WFDC13: variants seen among roughly 807,000 people sequenced by gnomAD.
WFDC13 encodes WAP four-disulfide core domain 13, also known as WAP four-disulfide core domain protein 13.
In WFDC13, 6 loss-of-function variants were observed where a neutral mutation model predicts 10.9. That is an observed-to-expected ratio of 0.55 (90% CI 0.30 to 1.09). The LOEUF (loss-of-function observed/expected upper bound fraction) is 1.09, where lower values mean the gene tolerates loss of function less well. WFDC13 is among the 50% of genes least tolerant of loss of function. The probability of loss-of-function intolerance (pLI) is 0.06; values close to 1 mark genes in which losing one functional copy is unlikely to be tolerated. For missense variants in WFDC13, 104 were observed against 109.6 expected, an observed-to-expected ratio of 0.95 and a Z score of 0.23; for synonymous variants, 38 against 39.5, an observed-to-expected ratio of 0.96 and a Z score of 0.14.
chr20:45,703,682 G>T (rs968016555), intron 1 of WFDC13, among the ~76,000 whole-genome samples: 1 of 152,148 alleles, frequency 6.6e-6, no homozygotes, highest in African/African-American at 2.4e-5. Flanking sequence ...TCCCAGGGCA[G>T]GTAGGTCTTA....
At chr20:45,703,659 T>A (rs432448) in intron 1 of WFDC13, among the ~76,000 whole-genome samples, 5 of 151,790 alleles carry the variant, frequency 3.3e-5, no homozygotes, top group Admixed American at 6.6e-5. Context: ...GGTTGTGGAC[T>A]TAGGGAAGAC....
At chr20:45,705,088 T>C (rs779612963) in intron 2 of WFDC13, 3 of 1,205,020 alleles carry the variant, frequency 2.5e-6, no homozygotes, top group East Asian at 2.3e-5. Context: ...GCCTGCTAAA[T>C]GGAGTGTGCT....
At chr20:45,704,141 C>T (rs1183619144) in intron 1 of WFDC13, among the ~76,000 whole-genome samples, 1 of 152,220 alleles carries the variant, frequency 6.6e-6, no homozygotes, top group Non-Finnish European at 1.5e-5. Flanking sequence ...CATTGATACC[C>T]TTGATATGGA....
intron 2 of WFDC13, chr20:45,705,285 C>A: frequency 2.4e-6 from 1 of 417,618 alleles, no homozygotes. Context: ...TCAAAAGACT[C>A]ACAGTGGAAG....
chr20:45,706,059 T>C, intron 3 of WFDC13, 132 bp downstream of exon 3: 1 of 724,112 alleles, frequency 1.4e-6, no homozygotes, highest in East Asian at 2.7e-5. Flanking sequence ...GATTGCCTCC[T>C]CCTCCATCAT....
chr20:45,704,668 C>A, intron 2 of WFDC13, 74 bp downstream of exon 2: 9 of 1,553,254 alleles, frequency 5.8e-6, no homozygotes, highest in Non-Finnish European at 7.8e-6. Context: ...CCCTTACCAG[C>A]AACTGTGCTG....
At chr20:45,706,376 A>C (rs1260447841) in intron 3 of WFDC13, among the ~76,000 whole-genome samples, 1 of 152,196 alleles carries the variant, frequency 6.6e-6, no homozygotes, top group East Asian at 1.9e-4. Flanking sequence ...TGGGAGGACA[A>C]CACAAGGCCA....
chr20:45,704,657 T>TC, intron 2 of WFDC13, 63 bp downstream of exon 2: 2 of 1,574,998 alleles, frequency 1.3e-6, no homozygotes, highest in South Asian at 2.4e-5. Context: ...AGCAGAAGAG[T>TC]CCCTTACCAG....
At chr20:45,706,324 C>A (rs932519781) in intron 3 of WFDC13, among the ~76,000 whole-genome samples, 12 of 152,138 alleles carry the variant, frequency 7.9e-5, no homozygotes, top group African/African-American at 2.9e-4. Flanking sequence ...CAGTCACCTC[C>A]CTCATGTGAA....
chr20:45,702,214 A>T lies in WFDC13; in HGVS notation c.88+3A>T, dbSNP rs1367732222. ...GAGTCCCAAGCAGCGTGTTCTGAGT[A>T]GGTGCTGGATCTGGGCCCAAGGAGG... On this transcript the variant is annotated splice_donor_region_variant and intron_variant, in intron 1 of 3. Coordinates refer to ENST00000305479, the MANE Select transcript of WFDC13 (RefSeq NM_172005.2). 3 of 1,611,000 alleles carry T rather than the reference A, an allele frequency of 1.9e-6. No homozygotes were observed. Among genetic ancestry groups the T allele is most frequent in the Admixed American group, 3.4e-5 (2 of 59,618 alleles).
At chr20:45,703,198 G>A (rs1984240222) in intron 1 of WFDC13, among the ~76,000 whole-genome samples, 1 of 152,176 alleles carries the variant, frequency 6.6e-6, no homozygotes, top group Non-Finnish European at 1.5e-5. Context: ...CTGGATCATG[G>A]TGTCTATCTC....
chr20:45,702,211 A>G lies in WFDC13; in HGVS notation c.88A>G (p.Lys30Glu). 9 of 1,611,286 alleles carry G rather than the reference A, an allele frequency of 5.6e-6. No individual in the cohort carries two copies. Among genetic ancestry groups the G allele is most frequent in the Non-Finnish European group, 7.6e-6 (9 of 1,178,906 alleles). Reference protein sequence around the residue: ...VPGSPKQRVLKYILEPPPCIS... With the variant: ...VPGSPKQRVLEYILEPPPCIS... ...TGGGAGTCCCAAGCAGCGTGTTCTG[A>G]GTAGGTGCTGGATCTGGGCCCAAGG... The change falls in exon 1 of 4, where the codon AAG becomes GAG. Residue 30 changes from lysine (K) to glutamate (E), a missense_variant and splice_region_variant. Coordinates refer to ENST00000305479, the MANE Select transcript of WFDC13 (RefSeq NM_172005.2).
intron 1 of WFDC13, among the ~76,000 whole-genome samples, chr20:45,702,727 A>G (rs76530431): frequency 2.2e-4 from 33 of 152,286 alleles, no homozygotes; most frequent in Admixed American, 2.2e-3. Context: ...GGTACTGTAC[A>G]ATTACCGGTA....
At chr20:45,705,117 C>T in intron 2 of WFDC13, 4 of 895,412 alleles carry the variant, frequency 4.5e-6, no homozygotes, top group Non-Finnish European at 5.5e-6. Flanking sequence ...AGAGAAAGGA[C>T]ATAGGGTGCT....
chr20:45,707,460 A>G (rs920178103), intron 3 of WFDC13, among the ~76,000 whole-genome samples: 3 of 152,252 alleles, frequency 2.0e-5, no homozygotes, highest in Non-Finnish European at 4.4e-5. Context: ...GTTAATTCAT[A>G]TGAATTACAA....
intron 1 of WFDC13, 88 bp from the exon 2 acceptor site, chr20:45,704,356 T>C (rs1296190639): frequency 7.3e-6 from 11 of 1,516,832 alleles, no homozygotes. Flanking sequence ...GGGTGGCAGG[T>C]TTCCTGGCAG....
intron 2 of WFDC13, 84 bp downstream of exon 2, chr20:45,704,678 G>T: frequency 6.6e-7 from 1 of 1,514,282 alleles, no homozygotes; most frequent in African/African-American, 1.5e-5. Flanking sequence ...CAACTGTGCT[G>T]GATCTCTCCT....
At chr20:45,702,248 A>G (rs1439059500) in intron 1 of WFDC13, 37 bp downstream of exon 1, 14 of 1,582,990 alleles carry the variant, frequency 8.8e-6, no homozygotes, top group Admixed American at 3.6e-5. Flanking sequence ...GGGAAGTAAC[A>G]TGTGTGGATA....
At chr20:45,703,318 T>C (rs1260653349) in intron 1 of WFDC13, among the ~76,000 whole-genome samples, 1 of 152,144 alleles carries the variant, frequency 6.6e-6, no homozygotes, top group Non-Finnish European at 1.5e-5. Context: ...GAGTACTAGT[T>C]ATTGGTCTCT....
Sources: gnomAD v4.1 joint callset for allele counts (sites outside exome capture counted in the v4.1 genomes callset) on GRCh38, gnomAD v4.1.1 for gene constraint, MANE v1.5 for transcripts, NCBI Gene and HGNC (gene_info 2026-07-23, HGNC 2026-07-21) for gene names.